Variants in LUZP2 observed in about 807,000 individuals in gnomAD.
The protein encoded by LUZP2 is leucine zipper protein 2.
LUZP2 carries 52 observed loss-of-function variants against 51.6 expected under a neutral mutation model. The observed-to-expected ratio is 1.01, with a 90% CI of 0.81 to 1.27. The LOEUF (loss-of-function observed/expected upper bound fraction) is 1.27, where lower values mean the gene tolerates loss of function less well. Among genes scored for constraint, LUZP2 ranks in the 50% most tolerant of loss-of-function variants. The probability of loss-of-function intolerance (pLI) is 0.00; values close to 1 mark genes in which losing one functional copy is unlikely to be tolerated. For missense variants in LUZP2, 436 were observed against 395.4 expected (o/e 1.10, Z -0.87); for synonymous variants, 154 against 137.3 (o/e 1.12, Z -0.85).
At chr11:25,056,991 T>TCA (rs1481143929) in intron 10 of LUZP2, among the ~76,000 whole-genome samples, 294 of 148,072 alleles carry the variant, frequency 2.0e-3, no homozygotes, top group Non-Finnish European at 3.6e-3. Context: ...TCCCAGCTAC[T>TCA]GGAGAGGCTG....
At chr11:25,053,396 TA>T (rs947554508) in intron 10 of LUZP2, among the ~76,000 whole-genome samples, 17 of 152,114 alleles carry the variant, frequency 1.1e-4, no homozygotes, top group Non-Finnish European at 2.9e-5. Context: ...TATATAATTT[TA>T]AAAAAGCTTT....
chr11:24,613,876 A>G (rs771881210), intron 1 of LUZP2, among the ~76,000 whole-genome samples: 7 of 152,050 alleles, frequency 4.6e-5, no homozygotes, highest in Non-Finnish European at 1.0e-4. Flanking sequence ...TATGCGAAAT[A>G]TCTGTGCATC....
chr11:24,634,895 A>G (rs1855027687), intron 1 of LUZP2, among the ~76,000 whole-genome samples: 1 of 152,166 alleles, frequency 6.6e-6, no homozygotes, highest in Non-Finnish European at 1.5e-5. Flanking sequence ...TGAACCTAGT[A>G]AGCATGGATG....
At chr11:24,731,103 G>C (rs1321458099) in intron 2 of LUZP2, among the ~76,000 whole-genome samples, 1 of 151,548 alleles carries the variant, frequency 6.6e-6, no homozygotes, top group Non-Finnish European at 1.5e-5. Flanking sequence ...AGTTACAGTA[G>C]GGAAGAGGTT....
At chr11:24,666,175 G>A (rs1856206582) in intron 1 of LUZP2, among the ~76,000 whole-genome samples, 1 of 152,106 alleles carries the variant, frequency 6.6e-6, no homozygotes, top group African/African-American at 2.4e-5. Context: ...TGAGGTAGAA[G>A]CTGAACTCAG....
intron 1 of LUZP2, among the ~76,000 whole-genome samples, chr11:24,506,051 G>T (rs914033634): frequency 2.0e-5 from 3 of 152,052 alleles, no homozygotes; most frequent in Non-Finnish European, 4.4e-5. Flanking sequence ...ACATTAACAA[G>T]ACAATTGACA....
intron 1 of LUZP2, among the ~76,000 whole-genome samples, chr11:24,707,042 A>C: frequency 6.6e-6 from 1 of 151,774 alleles, no homozygotes; most frequent in East Asian, 1.9e-4. Flanking sequence ...GATGAAGAAA[A>C]GAGAGAAGAA....
chr11:25,013,903 C>G (rs1265385527), intron 9 of LUZP2, among the ~76,000 whole-genome samples: 1 of 152,038 alleles, frequency 6.6e-6, no homozygotes, highest in Non-Finnish European at 1.5e-5. Context: ...TCCCCTGTCC[C>G]CCCACCCCAT....
chr11:24,744,922 A>G (rs1000140912), intron 4 of LUZP2, among the ~76,000 whole-genome samples: 2 of 152,054 alleles, frequency 1.3e-5, no homozygotes, highest in Non-Finnish European at 2.9e-5. Flanking sequence ...ATTGTCGTTC[A>G]GTTTGAAGAT....
chr11:24,566,294 TATTA>T (rs942688615), intron 1 of LUZP2, among the ~76,000 whole-genome samples: 21 of 149,520 alleles, frequency 1.4e-4, no homozygotes, highest in African/African-American at 5.1e-4. Flanking sequence ...AAACATTATT[TATTA>T]TTTATTTATT....
intron 9 of LUZP2, among the ~76,000 whole-genome samples, chr11:25,035,897 A>G (rs1439663450): frequency 6.6e-6 from 1 of 152,006 alleles, no homozygotes; most frequent in East Asian, 1.9e-4. Context: ...TTTTACATCT[A>G]TGTTCATGAG....
intron 9 of LUZP2, among the ~76,000 whole-genome samples, chr11:25,047,602 C>G (rs1261905370): frequency 1.3e-5 from 2 of 151,712 alleles, no homozygotes; most frequent in Non-Finnish European, 2.9e-5. Context: ...GATTCTAACC[C>G]TTGTTCAGAA....
At position 24,651,147 on chromosome 11, in the gene LUZP2, T is replaced by A. The variant is rs531779093; in HGVS notation, c.63-78022T>A. On this transcript the variant is annotated intron_variant, in intron 1 of 11. Coordinates refer to ENST00000336930, the MANE Select transcript of LUZP2 (RefSeq NM_001009909.4). ...GGTGGATTTTGCTTCATTTATTTTG[T>A]AAACTGTACTTCAGTAACATTACTC... 7.2e-5 allele frequency among the ~76,000 whole-genome samples: 11 copies of A among 152,224 alleles called. No individual in the cohort carries two copies. In the South Asian group the frequency reaches 2.3e-3, roughly 32 times the overall value.
chr11:24,730,481 G>A (rs1055970212), intron 2 of LUZP2, among the ~76,000 whole-genome samples: 8 of 151,774 alleles, frequency 5.3e-5, no homozygotes, highest in South Asian at 2.1e-4. Context: ...AGGAATCATC[G>A]TGTTATGATG....
chr11:24,952,835 A>G (rs1855115796), intron 7 of LUZP2, among the ~76,000 whole-genome samples: 1 of 151,894 alleles, frequency 6.6e-6, no homozygotes, highest in Admixed American at 6.6e-5. Context: ...GTGCTAAGAA[A>G]TGTACCTCAT....
chr11:24,896,292 A>T (rs544321400), intron 5 of LUZP2, among the ~76,000 whole-genome samples: 1 of 151,796 alleles, frequency 6.6e-6, no homozygotes, highest in African/African-American at 2.4e-5. Flanking sequence ...GTGGAGGGAG[A>T]GGCGCCGCCA....
At chr11:24,527,546 A>T (rs61875600) in intron 1 of LUZP2, among the ~76,000 whole-genome samples, 19,308 of 138,414 alleles carry the variant, frequency 0.14, 1,803 homozygotes, top group African/African-American at 0.27. Context: ...ATTGTTAAAT[A>T]AGAATCTCTC....
At position 24,593,255 on chromosome 11, in the gene LUZP2, A is replaced by C. The variant is rs183137965; in HGVS notation, c.62+95950A>C. On this transcript the variant is annotated intron_variant, in intron 1 of 11. Transcript: ENST00000336930. ...CTATCTTATATTGCAAATGTCTTACATTATAAATGTAAATTTTGATCACTA... is the reference window on the plus strand; with the variant it reads ...CTATCTTATATTGCAAATGTCTTACCTTATAAATGTAAATTTTGATCACTA... Among the ~76,000 whole-genome samples the C allele has an allele frequency of 3.0e-3, 453 of 152,310 alleles. 14 individuals carry two copies. Among genetic ancestry groups the C allele is most frequent in the Admixed American group, 0.026 (404 of 15,290 alleles).
chr11:24,941,334 T>C (rs1434176830), intron 7 of LUZP2, among the ~76,000 whole-genome samples: 3 of 152,306 alleles, frequency 2.0e-5, no homozygotes, highest in South Asian at 2.1e-4. Flanking sequence ...ATTATTTATT[T>C]ATGTTTCACC....
Sources: allele counts gnomAD v4.1 joint callset (sites outside exome capture counted in the v4.1 genomes callset), GRCh38; gene constraint gnomAD v4.1.1; transcripts MANE v1.5; gene names NCBI Gene and HGNC (gene_info 2026-07-23, HGNC 2026-07-21).